Variants in NCAM2 observed in about 807,000 individuals in gnomAD.
NCAM2 encodes the protein neural cell adhesion molecule 2, also known as N-CAM-2.
A neutral mutation model predicts 98.1 loss-of-function variants in NCAM2; 30 were observed. That is an observed-to-expected ratio of 0.31 (90% CI 0.23 to 0.41). The LOEUF is 0.41. Among genes scored for constraint, NCAM2 ranks in the 10% least tolerant of loss-of-function variants. The pLI, the probability that NCAM2 is intolerant of heterozygous loss-of-function variation, is 1.00. For missense variants in NCAM2, 867 were observed against 1,005.8 expected (o/e 0.86, Z 1.87); for synonymous variants, 368 against 342.4 (o/e 1.07, Z -0.83).
chr21:21,408,989 G>C (rs1426929568), intron 9 of NCAM2, among the ~76,000 whole-genome samples: 1 of 120,250 alleles, frequency 8.3e-6, no homozygotes, highest in East Asian at 1.9e-4. Context: ...GTAGTTTGCA[G>C]TAATAAAATA....
chr21:21,088,325 G>T (rs1336852955), intron 1 of NCAM2, among the ~76,000 whole-genome samples: 1 of 152,116 alleles, frequency 6.6e-6, no homozygotes, highest in African/African-American at 2.4e-5. Context: ...TATATTAATA[G>T]AATTGTTTAA....
chr21:21,035,229 GCACATCCCAGT>G (rs1243852257), intron 1 of NCAM2, among the ~76,000 whole-genome samples: 3 of 152,200 alleles, frequency 2.0e-5, no homozygotes, highest in African/African-American at 7.2e-5. Context: ...TCTGAAAATA[GCACATCCCAGT>G]CAAAGCCTTA....
At chr21:21,066,586 C>T (rs1003859969) in intron 1 of NCAM2, among the ~76,000 whole-genome samples, 1 of 151,988 alleles carries the variant, frequency 6.6e-6, no homozygotes, top group Non-Finnish European at 1.5e-5. Flanking sequence ...CCTCTATGCG[C>T]AAGAAAGTTC....
chr21:21,107,983 G>T (rs1374317293), intron 1 of NCAM2, among the ~76,000 whole-genome samples: 1 of 152,022 alleles, frequency 6.6e-6, no homozygotes, highest in East Asian at 1.9e-4. Context: ...AATATTCTTG[G>T]TGTACGTTGT....
intron 1 of NCAM2, among the ~76,000 whole-genome samples, chr21:21,125,412 T>TTTACATATATATGTAATATATA (rs71193402): frequency 1.6e-4 from 14 of 84,916 alleles, no homozygotes; most frequent in African/African-American, 5.2e-4. Flanking sequence ...TATATAATAT[T>TTTACATATATATGTAATATATA]TTACATATAT....
chr21:21,442,932 AT>A (rs1259198939), intron 12 of NCAM2, among the ~76,000 whole-genome samples: 2 of 152,134 alleles, frequency 1.3e-5, no homozygotes, highest in African/African-American at 4.8e-5. Context: ...CTTTCTCTTT[AT>A]CCCACCCTCG....
At position 21,328,248 on chromosome 21, in the gene NCAM2, C is replaced by A. The variant is rs942739232; in HGVS notation, c.737+3748C>A. ...GGTAGTTACACTAGTGTAAACAAAC[C>A]AATATATAAAAGCATATACATATTT... On this transcript the variant is annotated intron_variant, in intron 6 of 17. Transcript: ENST00000400546. Among the ~76,000 whole-genome samples, 15 of 151,948 alleles carry A rather than the reference C, an allele frequency of 9.9e-5. No individual in the cohort carries two copies. In the South Asian group the frequency reaches 3.1e-3, roughly 32 times the overall value.
intron 11 of NCAM2, among the ~76,000 whole-genome samples, chr21:21,423,101 CT>C (rs1238501434): frequency 1.3e-5 from 2 of 151,294 alleles, no homozygotes; most frequent in South Asian, 2.1e-4. Context: ...AACTGTTGAA[CT>C]TTTTTATATT....
At chr21:21,342,682 T>C (rs76102546) in intron 8 of NCAM2, among the ~76,000 whole-genome samples, 21,946 of 152,140 alleles carry the variant, frequency 0.14, 1,896 homozygotes, top group Non-Finnish European at 0.2. Flanking sequence ...AAACAAATTA[T>C]AAGGTCGCCC....
At chr21:21,353,414 A>C (rs1662105316) in intron 8 of NCAM2, among the ~76,000 whole-genome samples, 1 of 152,132 alleles carries the variant, frequency 6.6e-6, no homozygotes, top group Admixed American at 6.5e-5. Flanking sequence ...AGATCTTGTG[A>C]CTGTATATCT....
chr21:21,388,478 C>A (rs1282181827), intron 9 of NCAM2, among the ~76,000 whole-genome samples: 2 of 152,104 alleles, frequency 1.3e-5, no homozygotes, highest in African/African-American at 4.8e-5. Context: ...GCTAATGTTG[C>A]TGAAGCTGAA....
intron 6 of NCAM2, among the ~76,000 whole-genome samples, chr21:21,334,738 A>C (rs1379864785): frequency 1.3e-5 from 2 of 152,256 alleles, no homozygotes; most frequent in East Asian, 3.9e-4. Flanking sequence ...TTCAGATTTT[A>C]ATATATTGAA....
intron 8 of NCAM2, among the ~76,000 whole-genome samples, chr21:21,358,837 A>G (rs2075566686): frequency 6.6e-6 from 1 of 152,004 alleles, no homozygotes; most frequent in African/African-American, 2.4e-5. Flanking sequence ...GGTAAATATT[A>G]CAAATTTTTA....
At chr21:21,048,048 C>T (rs1234954464) in intron 1 of NCAM2, among the ~76,000 whole-genome samples, 1 of 152,052 alleles carries the variant, frequency 6.6e-6, no homozygotes, top group African/African-American at 2.4e-5. Context: ...ATAAAGAATC[C>T]CCTTTCCCCT....
At chr21:21,490,623 TA>T (rs941477339) in intron 15 of NCAM2, among the ~76,000 whole-genome samples, 3 of 151,902 alleles carry the variant, frequency 2.0e-5, no homozygotes, top group African/African-American at 7.2e-5. Context: ...TAGCTAGTCT[TA>T]TTTTTTTTCC....
intron 1 of NCAM2, among the ~76,000 whole-genome samples, chr21:21,272,134 T>G (rs2147435957): frequency 6.6e-6 from 1 of 152,316 alleles, no homozygotes; most frequent in East Asian, 1.9e-4. Context: ...AGTTTGGATT[T>G]TATTTATACA....
intron 1 of NCAM2, among the ~76,000 whole-genome samples, chr21:21,261,870 A>G (rs956183887): frequency 1.3e-5 from 2 of 152,114 alleles, no homozygotes; most frequent in Non-Finnish European, 1.5e-5. Flanking sequence ...CACGGAAGAA[A>G]TGCATGAAAC....
chr21:21,222,411 G>A (rs2070206285), intron 1 of NCAM2, among the ~76,000 whole-genome samples: 1 of 152,248 alleles, frequency 6.6e-6, no homozygotes, highest in South Asian at 2.1e-4. Flanking sequence ...TTTCTGGAAA[G>A]GATTTACCAC....
intron 1 of NCAM2, among the ~76,000 whole-genome samples, chr21:21,259,980 G>A (rs1012526072): frequency 1.0e-4 from 15 of 146,556 alleles, no homozygotes; most frequent in Non-Finnish European, 1.6e-4. Flanking sequence ...GATTCAGGAT[G>A]TGAAAGACAA....
Sources: gnomAD v4.1 joint callset for allele counts (sites outside exome capture counted in the v4.1 genomes callset) on GRCh38, gnomAD v4.1.1 for gene constraint, MANE v1.5 for transcripts, NCBI Gene and HGNC (gene_info 2026-07-23, HGNC 2026-07-21) for gene names.